Variants in CACNA2D3 observed in about 807,000 individuals in gnomAD.
CACNA2D3 encodes calcium voltage-gated channel auxiliary subunit alpha2delta 3.
Under a neutral mutation model 160.6 loss-of-function variants are expected in CACNA2D3, and 60 were observed. The ratio of observed to expected loss-of-function variants is 0.37; its 90% CI spans 0.30 to 0.46. The LOEUF is 0.46. CACNA2D3 is among the 20% of genes least tolerant of loss of function. The probability of loss-of-function intolerance (pLI) is 1.00; values close to 1 mark genes in which losing one functional copy is unlikely to be tolerated. For missense variants in CACNA2D3, 1,205 were observed against 1,365.0 expected (o/e 0.88, Z 1.85); for synonymous variants, 558 against 492.9 (o/e 1.13, Z -1.75).
intron 2 of CACNA2D3, among the ~76,000 whole-genome samples, chr3:54,299,003 G>C (rs56198536): frequency 0.26 from 38,642 of 149,254 alleles, 5,166 homozygotes; most frequent in South Asian, 0.35. Context: ...GTATGGATGG[G>C]CTTTGAAATC....
At chr3:54,528,607 C>T (rs1027977672) in intron 5 of CACNA2D3, among the ~76,000 whole-genome samples, 3 of 152,130 alleles carry the variant, frequency 2.0e-5, no homozygotes, top group African/African-American at 7.2e-5. Flanking sequence ...CCAGAATGAA[C>T]CTTACTTATT....
intron 5 of CACNA2D3, among the ~76,000 whole-genome samples, chr3:54,540,130 T>C (rs1230783970): frequency 1.3e-5 from 2 of 152,136 alleles, no homozygotes; most frequent in Non-Finnish European, 2.9e-5. Flanking sequence ...CTATTGAACA[T>C]GATGATTGTC....
intron 11 of CACNA2D3, among the ~76,000 whole-genome samples, chr3:54,750,700 A>G (rs1015394293): frequency 2.1e-5 from 3 of 145,012 alleles, no homozygotes; most frequent in African/African-American, 7.8e-5. Context: ...ACAGGCAGAG[A>G]AAGTGAACGG....
chr3:54,771,763 CCAGGGATAT>C (rs1702326297), intron 13 of CACNA2D3, among the ~76,000 whole-genome samples: 1 of 151,982 alleles, frequency 6.6e-6, no homozygotes, highest in Non-Finnish European at 1.5e-5. Context: ...TCTAATTATA[CCAGGGATAT>C]CCCATCAGCT....
intron 17 of CACNA2D3, among the ~76,000 whole-genome samples, chr3:54,861,364 A>G (rs1327831254): frequency 2.0e-5 from 3 of 152,154 alleles, no homozygotes; most frequent in Non-Finnish European, 2.9e-5. Flanking sequence ...AAGAACGATG[A>G]TGACATTTTC....
chr3:55,051,456 G>A (rs1003245775), intron 35 of CACNA2D3, among the ~76,000 whole-genome samples: 4 of 152,104 alleles, frequency 2.6e-5, no homozygotes, highest in East Asian at 1.9e-4. Context: ...GAGGCAGTCT[G>A]CCCTTTCTCA....
chr3:54,406,551 C>G (rs561227323), intron 4 of CACNA2D3, among the ~76,000 whole-genome samples: 21 of 151,718 alleles, frequency 1.4e-4, no homozygotes, highest in African/African-American at 4.8e-4. Flanking sequence ...TGAAATAAGC[C>G]AAACACAGAA....
At chr3:54,812,433 A>G (rs774025169) in intron 13 of CACNA2D3, among the ~76,000 whole-genome samples, 1 of 152,182 alleles carries the variant, frequency 6.6e-6, no homozygotes, top group Admixed American at 6.5e-5. Context: ...TTGCCAGGCA[A>G]GTGGAGAGGG....
chr3:54,457,187 T>C (rs1700414114), intron 4 of CACNA2D3, among the ~76,000 whole-genome samples: 1 of 151,964 alleles, frequency 6.6e-6, no homozygotes, highest in Non-Finnish European at 1.5e-5. Context: ...TTTTGATGTA[T>C]GCATTTATTG....
chr3:54,187,992 G>A (rs936256403), intron 2 of CACNA2D3, among the ~76,000 whole-genome samples: 1 of 151,976 alleles, frequency 6.6e-6, no homozygotes, highest in African/African-American at 2.4e-5. Flanking sequence ...AGGGTGCCAG[G>A]CACTCTTATC....
Position 54,283,065 on chromosome 3 carries a change from CAAA to C in CACNA2D3, c.205-37376_205-37374del, listed in dbSNP as rs1455077219. 2.0e-5 allele frequency among the ~76,000 whole-genome samples: 3 copies of C among 152,074 alleles called. No individual in the cohort carries two copies. In the East Asian group the frequency reaches 5.8e-4, roughly 29 times the overall value. On this transcript the variant is annotated intron_variant, in intron 2 of 37. Coordinates refer to ENST00000474759, the MANE Select transcript of CACNA2D3 (RefSeq NM_018398.3). ...CCTAAAAGGATTTTTACTTTAAAAACAAAGAAGGAGAGATTGATTTGAGTTTTG... is the reference window on the plus strand; with the variant it reads ...CCTAAAAGGATTTTTACTTTAAAAACGAAGGAGAGATTGATTTGAGTTTTG...
chr3:54,710,235 G>A (rs774468307), intron 11 of CACNA2D3, among the ~76,000 whole-genome samples: 5 of 152,218 alleles, frequency 3.3e-5, no homozygotes, highest in African/African-American at 4.8e-5. Context: ...ATTGTGGTAA[G>A]TATGATGAAG....
intron 2 of CACNA2D3, among the ~76,000 whole-genome samples, chr3:54,209,698 A>G (rs1701337811): frequency 6.6e-6 from 1 of 152,230 alleles, no homozygotes; most frequent in South Asian, 2.1e-4. Flanking sequence ...CCTGGACTCA[A>G]GCAGTTCCCT....
chr3:54,173,637 G>A (rs1576978081), intron 2 of CACNA2D3, among the ~76,000 whole-genome samples: 1 of 152,208 alleles, frequency 6.6e-6, no homozygotes, highest in East Asian at 1.9e-4. Flanking sequence ...ACATGGCTGA[G>A]CAAACTTTAG....
intron 5 of CACNA2D3, among the ~76,000 whole-genome samples, chr3:54,534,862 G>A (rs1306257047): frequency 2.0e-5 from 3 of 152,190 alleles, no homozygotes; most frequent in African/African-American, 7.2e-5. Context: ...GGGAGGTTGA[G>A]GCTGCAGTGA....
At chr3:54,769,497 C>T (rs1397703648) in intron 13 of CACNA2D3, among the ~76,000 whole-genome samples, 1 of 152,160 alleles carries the variant, frequency 6.6e-6, no homozygotes, top group Admixed American at 6.5e-5. Context: ...GTTTGAATTG[C>T]ATGCCTACTC....
chr3:54,868,464 C>A (rs1699453228), intron 17 of CACNA2D3, among the ~76,000 whole-genome samples: 1 of 152,122 alleles, frequency 6.6e-6, no homozygotes, highest in Non-Finnish European at 1.5e-5. Flanking sequence ...ACTCTCTAAT[C>A]ATTCCAAGTA....
chr3:54,377,282 C>T (rs936322879), intron 3 of CACNA2D3, among the ~76,000 whole-genome samples: 2 of 152,134 alleles, frequency 1.3e-5, no homozygotes, highest in African/African-American at 4.8e-5. Context: ...TGAAAACCCG[C>T]CCTTAAGGAG....
At chr3:55,036,763 G>C (rs145674944) in intron 35 of CACNA2D3, among the ~76,000 whole-genome samples, 4 of 152,226 alleles carry the variant, frequency 2.6e-5, no homozygotes, top group African/African-American at 9.6e-5. Context: ...ACTGCGCTCG[G>C]CCGTGTTTTA....
Sources: allele counts gnomAD v4.1 joint callset (sites outside exome capture counted in the v4.1 genomes callset), GRCh38; gene constraint gnomAD v4.1.1; transcripts MANE v1.5; gene names NCBI Gene and HGNC (gene_info 2026-07-23, HGNC 2026-07-21).